Variants in NAV3 observed in about 807,000 individuals in gnomAD.
NAV3 encodes neuron navigator 3, also known as pore membrane and/or filament interacting like protein 1.
A neutral mutation model predicts 244.7 loss-of-function variants in NAV3; 87 were observed. The observed-to-expected ratio is 0.36, with a 90% CI of 0.30 to 0.42. The LOEUF is 0.42. NAV3 is among the 20% of genes least tolerant of loss of function. NAV3 has a pLI of 1.00. For missense variants in NAV3, 2,663 were observed against 2,893.3 expected, an observed-to-expected ratio of 0.92 and a Z score of 1.83; for synonymous variants, 1,126 against 1,042.2, an observed-to-expected ratio of 1.08 and a Z score of -1.55.
At chr12:77,988,640 A>G (rs896228583) in intron 5 of NAV3, among the ~76,000 whole-genome samples, 10 of 152,160 alleles carry the variant, frequency 6.6e-5, no homozygotes, top group African/African-American at 2.4e-4. Flanking sequence ...TGTTTCTGAC[A>G]TCTTTTGCCC....
At chr12:77,627,505 G>C (rs1362462052) in intron 2 of NAV3, among the ~76,000 whole-genome samples, 1 of 152,136 alleles carries the variant, frequency 6.6e-6, no homozygotes, top group African/African-American at 2.4e-5. Flanking sequence ...GTTGGAAAAA[G>C]AGCAAATGGA....
At chr12:77,860,492 A>G (rs1272284130) in intron 1 of NAV3, among the ~76,000 whole-genome samples, 1 of 151,678 alleles carries the variant, frequency 6.6e-6, no homozygotes, top group Non-Finnish European at 1.5e-5. Flanking sequence ...AACCTCTATT[A>G]AAATGTTGCT....
intron 2 of NAV3, among the ~76,000 whole-genome samples, chr12:77,762,417 T>TA (rs1455601740): frequency 6.6e-6 from 1 of 151,526 alleles, no homozygotes; most frequent in African/African-American, 2.4e-5. Context: ...TCCCAGAACT[T>TA]AAAGTACAAT....
intron 18 of NAV3, among the ~76,000 whole-genome samples, chr12:78,136,769 G>T (rs1419137260): frequency 6.6e-6 from 1 of 152,104 alleles, no homozygotes; most frequent in Non-Finnish European, 1.5e-5. Context: ...GGGAAATTTA[G>T]ATGTTTTATA....
chr12:77,873,687 A>G lies in NAV3; in HGVS notation c.243+41983A>G, dbSNP rs1181860083. Among the ~76,000 whole-genome samples, 412 of 99,210 alleles carry G rather than the reference A, an allele frequency of 4.2e-3. 12 individuals carry two copies. The highest frequency in any genetic ancestry group is 0.017 in the African/African-American group (372 of 21,858). The allele number at this position is 99,210 out of a possible 152,430, so 65.1% of individuals were successfully genotyped here. On this transcript the variant is annotated intron_variant, in intron 1 of 39. Transcript: ENST00000397909. ...ATACATGATTTGTATGTGTATATAT[A>G]TATATATATATATATATATATACAT...
intron 2 of NAV3, among the ~76,000 whole-genome samples, chr12:77,655,172 A>C (rs1316033323): frequency 1.3e-5 from 2 of 151,154 alleles, no homozygotes; most frequent in Non-Finnish European, 2.9e-5. Flanking sequence ...TACAGGAGGA[A>C]ATTCAAACCA....
At chr12:78,121,809 C>T in intron 15 of NAV3, 131 bp from the exon 16 acceptor site, 1 of 1,167,634 alleles carries the variant, frequency 8.6e-7, no homozygotes, top group Non-Finnish European at 1.2e-6. Flanking sequence ...AGTTCATTAA[C>T]ATAGAGACAG....
chr12:78,194,662 G>T (rs17227408), intron 34 of NAV3, among the ~76,000 whole-genome samples: 49,086 of 151,870 alleles, frequency 0.32, 9,597 homozygotes, highest in Non-Finnish European at 0.45. Flanking sequence ...ACTGCCAAAA[G>T]GAGATGTCCA....
chr12:78,091,652 C>T (rs1302225634), intron 12 of NAV3: 1 of 150,894 alleles, frequency 6.6e-6, no homozygotes, highest in Non-Finnish European at 1.5e-5. Context: ...AAAAATTAGC[C>T]GGGCGTAGTG....
intron 1 of NAV3, among the ~76,000 whole-genome samples, chr12:77,878,668 T>TA (rs533999299): frequency 0.033 from 4,480 of 137,668 alleles, 125 homozygotes; most frequent in African/African-American, 0.074. Context: ...CTTAAACTTC[T>TA]AAAAAAAAAA....
chr12:78,185,620 T>C lies in NAV3; in HGVS notation c.5712T>C (p.Ala1904=). 2 of 1,608,266 alleles carry C rather than the reference T, an allele frequency of 1.2e-6. No homozygotes were observed. The highest frequency in any genetic ancestry group is 1.7e-6 in the Non-Finnish European group (2 of 1,177,216). ...TGATAGATATTTTGCTAGATGATGC[T>C]GGTGATGCAACTGGACATAAAGATG... ...AVSSDILLDD[A]GDATGHKDGR... The change falls in exon 31 of 40, where the codon GCT becomes GCC. Residue 1904 remains alanine (A), a synonymous_variant. Transcript: ENST00000397909.
chr12:78,194,795 C>G (rs556972609), intron 34 of NAV3, among the ~76,000 whole-genome samples: 1 of 152,120 alleles, frequency 6.6e-6, no homozygotes, highest in East Asian at 1.9e-4. Flanking sequence ...GTGTTTCTGA[C>G]TGGTTATTCT....
chr12:78,188,515 T>G, intron 32 of NAV3, 94 bp from the exon 33 acceptor site: 1 of 1,310,748 alleles, frequency 7.6e-7, no homozygotes. Flanking sequence ...TCTAATATTC[T>G]TGACAACTAG....
At chr12:78,137,466 A>C in intron 19 of NAV3, 101 bp downstream of exon 19, 1 of 1,172,374 alleles carries the variant, frequency 8.5e-7, no homozygotes, top group Non-Finnish European at 1.2e-6. Flanking sequence ...AGAGGAAAAT[A>C]AACTAGTGTA....
chr12:78,090,340 G>A (rs1953861265), intron 12 of NAV3, among the ~76,000 whole-genome samples: 1 of 151,290 alleles, frequency 6.6e-6, no homozygotes, highest in South Asian at 2.1e-4. Context: ...GATTGTGGAT[G>A]ATATAATACT....
chr12:78,060,803 T>C (rs1298120911), intron 12 of NAV3, among the ~76,000 whole-genome samples: 1 of 152,132 alleles, frequency 6.6e-6, no homozygotes. Flanking sequence ...TAATGACCTA[T>C]TATTCTATTA....
intron 2 of NAV3, among the ~76,000 whole-genome samples, chr12:77,724,435 A>G (rs533597429): frequency 6.6e-6 from 1 of 152,106 alleles, no homozygotes; most frequent in Non-Finnish European, 1.5e-5. Flanking sequence ...CAAAAAAATT[A>G]AAAAACATAT....
intron 33 of NAV3, 39 bp from the exon 34 acceptor site, chr12:78,189,945 G>A (rs1958900023): frequency 4.8e-6 from 7 of 1,456,428 alleles, no homozygotes; most frequent in Non-Finnish European, 6.7e-6. Flanking sequence ...AGCTTATGTA[G>A]AACAATAAAT....
At chr12:78,188,925 C>A in intron 33 of NAV3, 148 bp downstream of exon 33, 1 of 628,316 alleles carries the variant, frequency 1.6e-6, no homozygotes, top group Non-Finnish European at 2.7e-6. Context: ...TCATTTCATA[C>A]CAAAACTATT....
Sources: allele counts gnomAD v4.1 joint callset (sites outside exome capture counted in the v4.1 genomes callset), GRCh38; gene constraint gnomAD v4.1.1; transcripts MANE v1.5; gene names NCBI Gene and HGNC (gene_info 2026-07-23, HGNC 2026-07-21).